The following GRID2 variants were observed in gnomAD, a reference collection of about 807,000 sequenced individuals.
GRID2 encodes the protein glutamate ionotropic receptor delta type subunit 2.
In GRID2, 33 loss-of-function variants were observed where a neutral mutation model predicts 114.8. That is an observed-to-expected ratio of 0.29 (90% CI 0.22 to 0.38). GRID2 has a LOEUF of 0.38. GRID2 is among the 10% of genes least tolerant of loss of function. The pLI, the probability that GRID2 is intolerant of heterozygous loss-of-function variation, is 1.00. For missense variants in GRID2, 1,184 were observed against 1,257.7 expected (o/e 0.94, Z 0.89); for synonymous variants, 505 against 449.9 (o/e 1.12, Z -1.55).
At chr4:93,779,797 G>A (rs1734443325) in intron 1 of GRID2, among the ~76,000 whole-genome samples, 1 of 152,166 alleles carries the variant, frequency 6.6e-6, no homozygotes, top group Admixed American at 6.5e-5. Flanking sequence ...ACAAGCGTTG[G>A]GAAGAATGTT....
chr4:92,794,901 T>TACACACACAC lies in GRID2; in HGVS notation c.244+204616_244+204617insCACACACACA, dbSNP rs1185891188. Among the ~76,000 whole-genome samples the TACACACACAC allele has an allele frequency of 1.0e-3, 139 of 136,704 alleles. 1 individual carries two copies. The highest frequency in any genetic ancestry group is 3.6e-3 in the African/African-American group (133 of 36,944). 89.7% of individuals were successfully genotyped at this position (136,704 alleles called of 152,430 possible). A position where few individuals can be genotyped will look rare whatever the true frequency, so the allele number is the denominator to read the frequency against. The stretch of plus-strand genomic sequence containing the variant: ...ATATATATATATATATATATATATA[T>TACACACACAC]ATATACACACACACACACACACACA... On this transcript the variant is annotated intron_variant, in intron 2 of 15. Coordinates refer to ENST00000282020, the MANE Select transcript of GRID2 (RefSeq NM_001510.4).
chr4:92,336,954 G>GTTTTTTTTTTTTTTTTTTTTTTTTTT (rs59093874), intron 1 of GRID2, among the ~76,000 whole-genome samples: 3 of 78,182 alleles, frequency 3.8e-5, no homozygotes, highest in Non-Finnish European at 6.8e-5. Flanking sequence ...TTTCGTTGTT[G>GTTTTTTTTTTTTTTTTTTTTTTTTTT]TTTTTTTTTT....
At chr4:92,678,192 C>T (rs1733475301) in intron 2 of GRID2, among the ~76,000 whole-genome samples, 1 of 152,036 alleles carries the variant, frequency 6.6e-6, no homozygotes, top group African/African-American at 2.4e-5. Flanking sequence ...ATTTCCTCCC[C>T]CTGCGTATCT....
chr4:92,965,888 C>T (rs1753126260), intron 2 of GRID2, among the ~76,000 whole-genome samples: 3 of 151,916 alleles, frequency 2.0e-5, no homozygotes, highest in Non-Finnish European at 2.9e-5. Context: ...ACCAAGCCCT[C>T]CTCCAAGTAT....
intron 2 of GRID2, among the ~76,000 whole-genome samples, chr4:92,741,298 A>G (rs1736883265): frequency 1.3e-5 from 2 of 152,162 alleles, no homozygotes; most frequent in Non-Finnish European, 2.9e-5. Flanking sequence ...TGTCAGTCAC[A>G]TTGCACCATA....
At chr4:93,572,566 C>T (rs566536445) in intron 13 of GRID2, among the ~76,000 whole-genome samples, 1 of 152,020 alleles carries the variant, frequency 6.6e-6, no homozygotes, top group South Asian at 2.1e-4. Flanking sequence ...ATGAGCTTGT[C>T]AGTCTTATGA....
chr4:92,372,564 A>G (rs1303985909), intron 1 of GRID2, among the ~76,000 whole-genome samples: 1 of 152,210 alleles, frequency 6.6e-6, no homozygotes, highest in African/African-American at 2.4e-5. Context: ...TTCATGCAAT[A>G]GAATATAGTT....
At chr4:92,916,187 G>A (rs1416093088) in intron 2 of GRID2, among the ~76,000 whole-genome samples, 1 of 151,964 alleles carries the variant, frequency 6.6e-6, no homozygotes, top group Non-Finnish European at 1.5e-5. Flanking sequence ...CTTTAAGAGT[G>A]TTTATAGTGT....
In GRID2 at chr4:92,590,478, GTTA is replaced by G. The variant is rs540542491; in HGVS notation, c.244+197_244+199del. Among the ~76,000 whole-genome samples, 297 of 152,242 alleles carry G rather than the reference GTTA, an allele frequency of 2.0e-3. 1 individual carries two copies. The highest frequency in any genetic ancestry group is 6.9e-3 in the African/African-American group (287 of 41,550). On this transcript the variant is annotated intron_variant, in intron 2 of 15. Transcript: ENST00000282020. ...GTTTTGAAAGGGCAGAATGTGGAAA[GTTA>G]TTATATTAATTGAAATATAATATGA... is the stretch of plus-strand genomic sequence containing the variant.
chr4:92,627,450 A>G (rs1730577890), intron 2 of GRID2, among the ~76,000 whole-genome samples: 1 of 151,680 alleles, frequency 6.6e-6, no homozygotes, highest in Non-Finnish European at 1.5e-5. Flanking sequence ...AAATTTTTCT[A>G]ATATAAAAGA....
At chr4:93,741,216 T>TATATACATATATATATATA (rs1731391598) in intron 14 of GRID2, among the ~76,000 whole-genome samples, 1 of 131,778 alleles carries the variant, frequency 7.6e-6, no homozygotes, top group African/African-American at 3.0e-5. Context: ...TATATATATA[T>TATATACATATATATATATA]TCTCAGACTC....
intron 2 of GRID2, among the ~76,000 whole-genome samples, chr4:92,816,754 A>C (rs1740943079): frequency 6.6e-6 from 1 of 152,174 alleles, no homozygotes; most frequent in African/African-American, 2.4e-5. Context: ...TTCTAATAGT[A>C]CTAGTTTATG....
At chr4:92,692,664 G>A (rs912817547) in intron 2 of GRID2, among the ~76,000 whole-genome samples, 8 of 152,088 alleles carry the variant, frequency 5.3e-5, no homozygotes, top group African/African-American at 1.9e-4. Flanking sequence ...GGGTAAAGTG[G>A]TGAGAGAAAT....
intron 2 of GRID2, among the ~76,000 whole-genome samples, chr4:93,000,451 T>G (rs1027658196): frequency 5.9e-5 from 9 of 151,598 alleles, no homozygotes; most frequent in African/African-American, 2.2e-4. Context: ...CTGGCAGAAC[T>G]TTTATTTTAC....
intron 14 of GRID2, among the ~76,000 whole-genome samples, chr4:93,693,466 A>G (rs1007279427): frequency 6.6e-6 from 1 of 152,240 alleles, no homozygotes; most frequent in African/African-American, 2.4e-5. Flanking sequence ...AAAATTACCA[A>G]GCTGTTTTGT....
chr4:93,544,335 G>A (rs1418255273), intron 13 of GRID2, among the ~76,000 whole-genome samples: 2 of 152,048 alleles, frequency 1.3e-5, no homozygotes, highest in African/African-American at 4.8e-5. Flanking sequence ...GAATTATTCT[G>A]TATTTATGAT....
intron 1 of GRID2, among the ~76,000 whole-genome samples, chr4:92,584,316 C>T (rs1305041957): frequency 1.3e-5 from 2 of 151,916 alleles, no homozygotes; most frequent in African/African-American, 4.8e-5. Flanking sequence ...TTATAAATCT[C>T]TTGACTTGGA....
downstream of GRID2, among the ~76,000 whole-genome samples, chr4:93,775,088 G>A (rs550868171): frequency 3.3e-5 from 5 of 149,276 alleles, no homozygotes; most frequent in Middle Eastern, 3.5e-3. Flanking sequence ...TTCTTCCAGC[G>A]TTTAACACAC....
intron 2 of GRID2, among the ~76,000 whole-genome samples, chr4:92,632,729 G>T (rs1305792808): frequency 6.7e-6 from 1 of 148,262 alleles, no homozygotes; most frequent in Non-Finnish European, 1.5e-5. Flanking sequence ...TGAAGAAAGG[G>T]AAGGAAGGGA....
Sources: gnomAD v4.1 joint callset for allele counts (sites outside exome capture counted in the v4.1 genomes callset) on GRCh38, gnomAD v4.1.1 for gene constraint, MANE v1.5 for transcripts, NCBI Gene and HGNC (gene_info 2026-07-23, HGNC 2026-07-21) for gene names.